The following PTPRD variants were observed in gnomAD, a reference collection of about 807,000 sequenced individuals.
PTPRD encodes the protein receptor-type tyrosine-protein phosphatase delta.
PTPRD carries 34 observed loss-of-function variants against 214.5 expected under a neutral mutation model. The observed-to-expected ratio is 0.16, with a 90% CI of 0.12 to 0.21. The LOEUF (loss-of-function observed/expected upper bound fraction) is 0.21. PTPRD is among the 10% of genes least tolerant of loss of function. PTPRD has a pLI of 1.00. For missense variants in PTPRD, 2,545 were observed against 2,398.7 expected, an observed-to-expected ratio of 1.06 and a Z score of -1.27; for synonymous variants, 1,128 against 845.7, an observed-to-expected ratio of 1.33 and a Z score of -5.79.
chr9:8,621,340 A>G (rs946303662), intron 14 of PTPRD, among the ~76,000 whole-genome samples: 1 of 152,026 alleles, frequency 6.6e-6, no homozygotes, highest in Non-Finnish European at 1.5e-5. Context: ...TGTGTAAAAG[A>G]CATCACATCA....
At chr9:8,349,032 G>A (rs1460356452) in intron 39 of PTPRD, among the ~76,000 whole-genome samples, 2 of 137,348 alleles carry the variant, frequency 1.5e-5, no homozygotes, top group Non-Finnish European at 3.2e-5. Flanking sequence ...TGCTCAACTC[G>A]AGTGACAAAA....
At chr9:9,053,533 A>G (rs2099690490) in intron 10 of PTPRD, among the ~76,000 whole-genome samples, 1 of 152,096 alleles carries the variant, frequency 6.6e-6, no homozygotes, top group Non-Finnish European at 1.5e-5. Flanking sequence ...TACTTATACA[A>G]AATTAGCTTA....
At chr9:9,140,051 T>C (rs548956987) in intron 10 of PTPRD, among the ~76,000 whole-genome samples, 2 of 152,192 alleles carry the variant, frequency 1.3e-5, no homozygotes, top group African/African-American at 2.4e-5. Context: ...AAAAAAGATT[T>C]ATTATAGTCA....
intron 4 of PTPRD, among the ~76,000 whole-genome samples, chr9:9,949,628 C>T (rs906234437): frequency 1.3e-5 from 2 of 152,118 alleles, no homozygotes; most frequent in Non-Finnish European, 2.9e-5. Context: ...AGTCCTACTA[C>T]GGAGTAGGCA....
intron 7 of PTPRD, among the ~76,000 whole-genome samples, chr9:9,637,118 T>C (rs1361423931): frequency 1.3e-5 from 2 of 152,136 alleles, no homozygotes; most frequent in Non-Finnish European, 2.9e-5. Flanking sequence ...ACAGTATGGA[T>C]TAAGTTTCCA....
At chr9:8,422,946 T>A (rs777363704) in intron 35 of PTPRD, among the ~76,000 whole-genome samples, 5 of 152,198 alleles carry the variant, frequency 3.3e-5, no homozygotes, top group African/African-American at 4.8e-5. Context: ...TCATTAACTA[T>A]ACTAATTATA....
intron 8 of PTPRD, among the ~76,000 whole-genome samples, chr9:9,475,918 G>C (rs989560875): frequency 2.6e-5 from 4 of 152,114 alleles, no homozygotes; most frequent in Admixed American, 2.0e-4. Flanking sequence ...CTCCGCAGTG[G>C]TAGTTTCACA....
At chr9:10,420,191 T>G (rs536959920) in intron 2 of PTPRD, among the ~76,000 whole-genome samples, 36 of 151,978 alleles carry the variant, frequency 2.4e-4, no homozygotes, top group Non-Finnish European at 3.8e-4. Flanking sequence ...GTGTCAAGAA[T>G]TCTTCTAAAC....
At chr9:8,534,896 G>T (rs1326430754) in intron 14 of PTPRD, among the ~76,000 whole-genome samples, 1 of 151,810 alleles carries the variant, frequency 6.6e-6, no homozygotes, top group East Asian at 1.9e-4. Flanking sequence ...AAGATAATTT[G>T]AACTATTAGT....
At chr9:9,031,737 G>C (rs79724493) in intron 10 of PTPRD, among the ~76,000 whole-genome samples, 1 of 151,964 alleles carries the variant, frequency 6.6e-6, no homozygotes, top group African/African-American at 2.4e-5. Context: ...AGTACAAATA[G>C]GAAAGAGACA....
intron 14 of PTPRD, among the ~76,000 whole-genome samples, chr9:8,579,470 C>T (rs1158646923): frequency 6.6e-6 from 1 of 152,116 alleles, no homozygotes; most frequent in South Asian, 2.1e-4. Context: ...ATTCATTCCA[C>T]GTTCATTTGT....
chr9:9,510,474 ATAGT>A (rs555791144), intron 8 of PTPRD, among the ~76,000 whole-genome samples: 104 of 151,754 alleles, frequency 6.9e-4, no homozygotes, highest in African/African-American at 2.3e-3. Flanking sequence ...ATTAAGAGGG[ATAGT>A]TAGTTGCTTT....
intron 26 of PTPRD, among the ~76,000 whole-genome samples, chr9:8,496,138 T>C (rs2097261063): frequency 6.6e-6 from 1 of 150,788 alleles, no homozygotes; most frequent in Non-Finnish European, 1.5e-5. Flanking sequence ...TGATCAACTT[T>C]AAAAAATATG....
chr9:9,280,456 T>C (rs1947283048), intron 9 of PTPRD, among the ~76,000 whole-genome samples: 2 of 151,282 alleles, frequency 1.3e-5, no homozygotes, highest in South Asian at 2.1e-4. Context: ...GACTAATTTA[T>C]AAAAATTAGT....
At chr9:10,315,959 C>T (rs1483556457) in intron 3 of PTPRD, among the ~76,000 whole-genome samples, 1 of 151,814 alleles carries the variant, frequency 6.6e-6, no homozygotes, top group Non-Finnish European at 1.5e-5. Context: ...CTTGGAATCG[C>T]TTTTGGATCC....
intron 12 of PTPRD, among the ~76,000 whole-genome samples, chr9:8,671,259 G>C (rs1008589096): frequency 6.6e-6 from 1 of 152,030 alleles, no homozygotes; most frequent in African/African-American, 2.4e-5. Flanking sequence ...TATATGCAAG[G>C]TATCATCCCT....
At chr9:9,043,369 T>C (rs2099650207) in intron 10 of PTPRD, among the ~76,000 whole-genome samples, 1 of 152,174 alleles carries the variant, frequency 6.6e-6, no homozygotes. Context: ...ACCACCTACC[T>C]GTAGATAGGT....
intron 2 of PTPRD, among the ~76,000 whole-genome samples, chr9:10,468,733 A>G (rs1566272200): frequency 6.6e-6 from 1 of 152,186 alleles, no homozygotes; most frequent in East Asian, 1.9e-4. Flanking sequence ...TTTCCTCTCA[A>G]TGACAAATTC....
chr9:10,056,320 CAAA>C (rs35142087), intron 3 of PTPRD, among the ~76,000 whole-genome samples: 1 of 127,036 alleles, frequency 7.9e-6, no homozygotes, highest in African/African-American at 2.8e-5. Context: ...GACTCCATCT[CAAA>C]AAAAAAAAAA....
Sources: allele counts gnomAD v4.1 joint callset (sites outside exome capture counted in the v4.1 genomes callset), GRCh38; gene constraint gnomAD v4.1.1; transcripts MANE v1.5; gene names NCBI Gene and HGNC (gene_info 2026-07-23, HGNC 2026-07-21).